Variants in RELL1 observed in about 807,000 individuals in gnomAD.
RELL1 encodes the protein RELT-like protein 1.
A neutral mutation model predicts 23.0 loss-of-function variants in RELL1; 10 were observed. The ratio of observed to expected loss-of-function variants is 0.43; its 90% CI spans 0.27 to 0.74. The LOEUF (loss-of-function observed/expected upper bound fraction) is 0.74. RELL1 is among the 30% of genes least tolerant of loss of function. The pLI, the probability that RELL1 is intolerant of heterozygous loss-of-function variation, is 0.19. For missense variants in RELL1, 315 were observed against 364.4 expected (o/e 0.86, Z 1.10); for synonymous variants, 146 against 146.8 (o/e 0.99, Z 0.04).
At chr4:37,589,333 T>C (rs369464795), downstream of RELL1, among the ~76,000 whole-genome samples, 6 of 152,258 alleles carry the variant, frequency 3.9e-5, no homozygotes, top group South Asian at 2.1e-4. Context: ...TTTTTAATCA[T>C]AGTTCTATTC....
chr4:37,623,544 C>G (rs1261268692), intron 6 of RELL1: 1 of 152,276 alleles, frequency 6.6e-6, no homozygotes, highest in African/African-American at 2.4e-5. Context: ...TTACCTACAA[C>G]TCCTAAAATT....
At chr4:37,674,645 T>A (rs537484315) in intron 1 of RELL1, among the ~76,000 whole-genome samples, 1 of 152,360 alleles carries the variant, frequency 6.6e-6, no homozygotes, top group South Asian at 2.1e-4. Flanking sequence ...CTGTTTTTTA[T>A]AAAGTGGATA....
intron 3 of RELL1, 106 bp from the exon 4 acceptor site, chr4:37,638,610 T>C (rs1325553855): frequency 1.4e-5 from 12 of 850,644 alleles, no homozygotes; most frequent in South Asian, 5.4e-5. Flanking sequence ...TTTCAGTTCA[T>C]AGATGAAGTC....
At chr4:37,648,043 T>TTTTGCA (rs1720769187) in intron 2 of RELL1, among the ~76,000 whole-genome samples, 2 of 152,342 alleles carry the variant, frequency 1.3e-5, no homozygotes, top group South Asian at 2.1e-4. Flanking sequence ...CTGCAAAATT[T>TTTTGCA]GTTTCAATAA....
downstream of RELL1, among the ~76,000 whole-genome samples, chr4:37,586,848 T>C (rs1718363138): frequency 6.6e-6 from 1 of 152,146 alleles, no homozygotes; most frequent in Non-Finnish European, 1.5e-5. Flanking sequence ...AGGCAGAGGT[T>C]GCAGCGAGCC....
intron 1 of RELL1, among the ~76,000 whole-genome samples, chr4:37,657,358 C>T (rs893952942): frequency 1.3e-5 from 2 of 152,134 alleles, no homozygotes; most frequent in Admixed American, 1.3e-4. Flanking sequence ...GAAGCTCCTT[C>T]TGAGCAAGCA....
At chr4:37,665,092 T>C (rs1180637300) in intron 1 of RELL1, 3 of 366,316 alleles carry the variant, frequency 8.2e-6, no homozygotes, top group Admixed American at 3.6e-5. Flanking sequence ...GCAAATTCTC[T>C]CATTGCAGAA....
chr4:37,586,497 G>T (rs1034284438), downstream of RELL1, among the ~76,000 whole-genome samples: 4 of 152,172 alleles, frequency 2.6e-5, no homozygotes, highest in Non-Finnish European at 5.9e-5. Flanking sequence ...TACATTCCAT[G>T]AGTCCTCCCA....
At chr4:37,598,950 G>T (rs904083229) in intron 6 of RELL1, among the ~76,000 whole-genome samples, 16 of 152,102 alleles carry the variant, frequency 1.1e-4, no homozygotes, top group Admixed American at 1.0e-3. Context: ...CTCCCAAAGT[G>T]CTAGGATTAC....
At chr4:37,625,153 T>C (rs1263428112) in intron 6 of RELL1, among the ~76,000 whole-genome samples, 3 of 152,132 alleles carry the variant, frequency 2.0e-5, no homozygotes, top group Admixed American at 6.5e-5. Flanking sequence ...TGAAATAAAT[T>C]ACTAAAATAA....
intron 6 of RELL1, among the ~76,000 whole-genome samples, chr4:37,602,489 AGTTCC>A (rs1207929186): frequency 6.6e-6 from 1 of 151,882 alleles, no homozygotes; most frequent in African/African-American, 2.4e-5. Context: ...TCTGTGGCTC[AGTTCC>A]ACAGCAAGCA....
chr4:37,678,249 A>G (rs1699713692), intron 1 of RELL1, among the ~76,000 whole-genome samples: 2 of 152,328 alleles, frequency 1.3e-5, no homozygotes, highest in African/African-American at 4.8e-5. Context: ...ACTTCTCATG[A>G]TGATGCTAAA....
At chr4:37,622,644 T>C (rs1368014756) in intron 6 of RELL1, among the ~76,000 whole-genome samples, 1 of 151,972 alleles carries the variant, frequency 6.6e-6, no homozygotes, top group Non-Finnish European at 1.5e-5. Flanking sequence ...CAACACACAC[T>C]AAACAAGGGG....
chr4:37,600,328 G>A (rs1277281112), intron 6 of RELL1, among the ~76,000 whole-genome samples: 1 of 151,578 alleles, frequency 6.6e-6, no homozygotes, highest in East Asian at 1.9e-4. Flanking sequence ...AAGGTCACTG[G>A]CCCACTTCTA....
intron 6 of RELL1, among the ~76,000 whole-genome samples, chr4:37,629,521 T>C (rs1720053993): frequency 6.6e-6 from 1 of 152,224 alleles, no homozygotes; most frequent in Non-Finnish European, 1.5e-5. Flanking sequence ...ATCATCCTCT[T>C]CTTAAATTCC....
intron 3 of RELL1, among the ~76,000 whole-genome samples, chr4:37,639,259 C>T (rs1560341255): frequency 6.6e-6 from 1 of 151,934 alleles, no homozygotes; most frequent in Non-Finnish European, 1.5e-5. Context: ...TGGCAGGCAC[C>T]TGTAGTCCCA....
downstream of RELL1, chr4:37,590,748 G>A (rs370496029): frequency 1.4e-5 from 23 of 1,613,886 alleles, no homozygotes; most frequent in African/African-American, 4.0e-5. Flanking sequence ...GTTTGAATAC[G>A]CCCTTCTCTG....
At chr4:37,641,481 C>T (rs1034195938) in intron 3 of RELL1, among the ~76,000 whole-genome samples, 2 of 152,148 alleles carry the variant, frequency 1.3e-5, no homozygotes, top group African/African-American at 4.8e-5. Context: ...AGGTGTATCT[C>T]CTCCTTGCAT....
intron 1 of RELL1, among the ~76,000 whole-genome samples, chr4:37,667,645 T>A (rs922391459): frequency 6.6e-6 from 1 of 151,600 alleles, no homozygotes; most frequent in African/African-American, 2.4e-5. Context: ...CAGCAATAAA[T>A]CTACAATGAC....
Sources: allele counts gnomAD v4.1 joint callset (sites outside exome capture counted in the v4.1 genomes callset), GRCh38; gene constraint gnomAD v4.1.1; transcripts MANE v1.5; gene names NCBI Gene and HGNC (gene_info 2026-07-23, HGNC 2026-07-21).